Variants in NPHP4 observed in about 807,000 individuals in gnomAD.
NPHP4 encodes nephrocystin-4.
NPHP4 carries 151 observed loss-of-function variants against 155.8 expected under a neutral mutation model. That is an observed-to-expected ratio of 0.97 (90% CI 0.85 to 1.11). NPHP4 has a LOEUF of 1.11. Ranked by LOEUF, NPHP4 falls within the 50% of genes least tolerant of loss-of-function variation. The pLI is 0.00. For synonymous variants in NPHP4, 845 were observed against 816.8 expected (o/e 1.03, Z -0.59); for missense variants, 1,956 against 1,925.7 (o/e 1.02, Z -0.29).
chr1:5,880,350 T>C (rs968343318), intron 18 of NPHP4, 111 bp from the exon 19 acceptor site: 10 of 1,088,070 alleles, frequency 9.2e-6, no homozygotes, highest in Non-Finnish European at 1.4e-5. Context: ...ATCTACACCC[T>C]GACACGCTAA....
chr1:5,991,660 G>A (rs1372054342), intron 1 of NPHP4: 1 of 152,246 alleles, frequency 6.6e-6, no homozygotes, highest in Non-Finnish European at 1.5e-5. Flanking sequence ...GAGGTTCCAA[G>A]GCAGGAAAGG....
chr1:5,869,947 T>C (rs989981810), intron 23 of NPHP4, among the ~76,000 whole-genome samples: 1 of 152,210 alleles, frequency 6.6e-6, no homozygotes, highest in Non-Finnish European at 1.5e-5. Flanking sequence ...GAAACAGTAG[T>C]CTGTGCACAT....
intron 18 of NPHP4, among the ~76,000 whole-genome samples, chr1:5,885,640 A>G (rs1242943780): frequency 2.6e-5 from 4 of 152,206 alleles, no homozygotes; most frequent in Admixed American, 2.0e-4. Context: ...GTGGCCTCAG[A>G]CAGGAACATG....
At chr1:5,977,808 A>G (rs1487358608) in intron 3 of NPHP4, among the ~76,000 whole-genome samples, 2 of 70,652 alleles carry the variant, frequency 2.8e-5, no homozygotes, top group African/African-American at 1.1e-4. Flanking sequence ...TGGGCAAGTC[A>G]CTTTACTAAA....
rs889051014 is a variant in NPHP4, at chr1:5,889,386, A to G, written c.2304+1482T>C. Reference sequence around the variant, plus strand: ...TTTTCTACCTAAGTTTTAAAGTTACAAGATTTTATTTTAGAAAAGTGAAGC... The same window carrying G: ...TTTTCTACCTAAGTTTTAAAGTTACGAGATTTTATTTTAGAAAAGTGAAGC... On this transcript the variant is annotated intron_variant, in intron 17 of 29. Transcript: ENST00000378156. The surrounding 1 kb of genome is among the most constrained non-coding windows in gnomAD (Gnocchi z 4.2). Among the ~76,000 whole-genome samples the G allele has an allele frequency of 6.6e-6, 1 of 152,212 alleles. No individual in the cohort carries two copies. Among genetic ancestry groups the G allele is most frequent in the Middle Eastern group, 3.2e-3 (1 of 316 alleles).
chr1:5,872,830 G>A (rs999829926), intron 23 of NPHP4, among the ~76,000 whole-genome samples: 2 of 152,328 alleles, frequency 1.3e-5, no homozygotes, highest in East Asian at 3.9e-4. Flanking sequence ...TGAGAAGCAG[G>A]TGCCTTACTA....
At chr1:5,936,405 TCA>T (rs1466628734) in intron 9 of NPHP4, among the ~76,000 whole-genome samples, 1 of 151,776 alleles carries the variant, frequency 6.6e-6, no homozygotes, top group Non-Finnish European at 1.5e-5. Context: ...ACAAGCAGAG[TCA>T]CAGTGAGTCT....
At chr1:5,903,258 A>G (rs1401511407) in intron 16 of NPHP4, among the ~76,000 whole-genome samples, 1 of 152,332 alleles carries the variant, frequency 6.6e-6, no homozygotes, top group East Asian at 1.9e-4. Flanking sequence ...TCTTGAGGCT[A>G]CGTATGTTAG....
At chr1:5,870,666 G>A (rs1418597420) in intron 23 of NPHP4, among the ~76,000 whole-genome samples, 1 of 152,204 alleles carries the variant, frequency 6.6e-6, no homozygotes, top group African/African-American at 2.4e-5. Flanking sequence ...CATCTTAACT[G>A]AATGAAAACA....
chr1:5,947,107 G>A lies in NPHP4; in HGVS notation c.1116C>T (p.Gly372=). ...AGTGCAAAAGGGCTGTTCTTACATTGCCGTCCACTCCTGCAGGGCTGCTGA... is the reference window on the plus strand; with the variant it reads ...AGTGCAAAAGGGCTGTTCTTACATTACCGTCCACTCCTGCAGGGCTGCTGA... ...YVFSSPAGVD[G]NAASVTSLSN... is the part of the protein sequence containing the mutation. Residue 372 remains glycine (G), a synonymous_variant, in exon 9 of 30, where the codon GGC becomes GGT. Coordinates refer to ENST00000378156, the MANE Select transcript of NPHP4 (RefSeq NM_015102.5). The A allele has an allele frequency of 6.2e-7, 1 of 1,613,928 alleles. No individual in the cohort carries two copies. Among genetic ancestry groups the A allele is most frequent in the Non-Finnish European group, 8.5e-7 (1 of 1,179,856 alleles).
intron 16 of NPHP4, among the ~76,000 whole-genome samples, chr1:5,897,604 C>T (rs958477127): frequency 2.0e-5 from 3 of 152,102 alleles, no homozygotes; most frequent in Admixed American, 6.5e-5. Flanking sequence ...GAACACGGGA[C>T]GTTCTGCAAG....
At chr1:5,981,567 C>G (rs1314208919) in intron 2 of NPHP4, among the ~76,000 whole-genome samples, 3 of 152,172 alleles carry the variant, frequency 2.0e-5, no homozygotes, top group Non-Finnish European at 4.4e-5. Context: ...TATTCTTCAG[C>G]CAACACCTTT....
chr1:5,977,207 G>A (rs979166263), intron 3 of NPHP4, among the ~76,000 whole-genome samples: 3 of 152,022 alleles, frequency 2.0e-5, no homozygotes, highest in South Asian at 4.1e-4. Flanking sequence ...AGAGTCAAAC[G>A]TCAGCGTCCC....
At position 5,863,207 on chromosome 1, in the gene NPHP4, G is replaced by A; in HGVS notation, c.*58C>T. 6.3e-7 allele frequency: 1 copy of A among 1,594,954 alleles called. No homozygotes were observed. The highest frequency in any genetic ancestry group is 8.6e-7 in the Non-Finnish European group (1 of 1,163,036). On this transcript the variant is annotated 3_prime_UTR_variant, in exon 30 of 30. Coordinates refer to ENST00000378156, the MANE Select transcript of NPHP4 (RefSeq NM_015102.5). ...GGCGGGGAGGACAGCCTGCAGGGCA[G>A]GAGGGGCACAGACAGGCCCCAGCTG...
intron 3 of NPHP4, among the ~76,000 whole-genome samples, chr1:5,977,103 C>T (rs1285911241): frequency 6.6e-6 from 1 of 152,136 alleles, no homozygotes; most frequent in Non-Finnish European, 1.5e-5. Context: ...CCGTCGTGCT[C>T]AGACACCATC....
chr1:5,941,560 A>AC (rs1458761105), intron 9 of NPHP4, among the ~76,000 whole-genome samples: 218 of 152,152 alleles, frequency 1.4e-3, no homozygotes, highest in African/African-American at 5.1e-3. Context: ...TCCTTAACAT[A>AC]CAAAGAACTT....
chr1:5,863,860 C>A, intron 29 of NPHP4, 30 bp downstream of exon 29: 2 of 1,612,480 alleles, frequency 1.2e-6, no homozygotes, highest in Non-Finnish European at 1.7e-6. Context: ...GGGTCTTCCC[C>A]TAGGAGTCCC....
At chr1:5,929,415 G>C (rs1377262454) in intron 10 of NPHP4, among the ~76,000 whole-genome samples, 2 of 152,136 alleles carry the variant, frequency 1.3e-5, no homozygotes, top group Non-Finnish European at 2.9e-5. Context: ...TCACCATTAA[G>C]TATGATGTTA....
At chr1:5,916,186 G>A (rs1259882501) in intron 11 of NPHP4, among the ~76,000 whole-genome samples, 2 of 152,174 alleles carry the variant, frequency 1.3e-5, no homozygotes, top group Non-Finnish European at 2.9e-5. Flanking sequence ...GCGGCTCAAT[G>A]CACACTCTTC....
Sources: allele counts gnomAD v4.1 joint callset (sites outside exome capture counted in the v4.1 genomes callset), GRCh38; gene constraint gnomAD v4.1.1; non-coding constraint Gnocchi (gnomAD v3.1); transcripts MANE v1.5; gene names NCBI Gene and HGNC (gene_info 2026-07-23, HGNC 2026-07-21).